Variants in UGT2B4 observed in about 807,000 individuals in gnomAD.
UGT2B4 encodes the protein UDP-glucuronosyltransferase 2B4.
UGT2B4 carries 49 observed loss-of-function variants against 49.8 expected under a neutral mutation model. The observed-to-expected ratio is 0.98, with a 90% CI of 0.78 to 1.25. UGT2B4 has a LOEUF of 1.25. UGT2B4 is among the 50% of genes most tolerant of loss of function. UGT2B4 has a pLI of 0.00. For missense variants in UGT2B4, 729 were observed against 627.7 expected (o/e 1.16, Z -1.73); for synonymous variants, 246 against 217.7 (o/e 1.13, Z -1.14).
At chr4:69,498,757 C>A (rs1312582807), upstream of UGT2B4, among the ~76,000 whole-genome samples, 1 of 152,022 alleles carries the variant, frequency 6.6e-6, no homozygotes, top group Non-Finnish European at 1.5e-5. Flanking sequence ...ATTCTTCTCT[C>A]TTTTCCTCTT....
In UGT2B4 at chr4:69,480,754, G is replaced by C; in HGVS notation, c.1467C>G (p.His489Gln). 1.2e-6 allele frequency: 2 copies of C among 1,614,032 alleles called. No individual in the cohort carries two copies. The highest frequency in any genetic ancestry group is 1.7e-6 in the Non-Finnish European group (2 of 1,179,936). The change falls in exon 6 of 6, where the codon CAC (histidine) becomes CAG (glutamine). Residue 489 changes from histidine (H) to glutamine (Q), a missense_variant. Coordinates refer to ENST00000305107, the MANE Select transcript of UGT2B4 (RefSeq NM_021139.3). ...GCAGGAACCCAGTCACATCCAAAGA[G>C]TGGTACTGGAACCAGGTGAGGTCGT... The part of the protein sequence containing the change: ...AAHDLTWFQY[H>Q]SLDVTGFLLA...
At chr4:69,524,130 T>C in intron 1 of UGT2B4, among the ~76,000 whole-genome samples, 1 of 152,158 alleles carries the variant, frequency 6.6e-6, no homozygotes. Flanking sequence ...GATTAACTTC[T>C]TGCCATTTGT....
At chr4:69,511,662 A>G (rs1728606859) in intron 1 of UGT2B4, among the ~76,000 whole-genome samples, 1 of 152,018 alleles carries the variant, frequency 6.6e-6, no homozygotes, top group Non-Finnish European at 1.5e-5. Context: ...TGGGTTTGTT[A>G]TCAGTATAAT....
intron 1 of UGT2B4, among the ~76,000 whole-genome samples, chr4:69,509,322 C>T (rs1223917399): frequency 1.3e-5 from 2 of 151,976 alleles, no homozygotes; most frequent in Non-Finnish European, 2.9e-5. Context: ...CAGGCGCATG[C>T]CCCTACCGCC....
upstream of UGT2B4, among the ~76,000 whole-genome samples, chr4:69,497,790 G>A (rs980448746): frequency 6.6e-6 from 1 of 152,204 alleles, no homozygotes; most frequent in Non-Finnish European, 1.5e-5. Flanking sequence ...GACTTTCAGA[G>A]GATTGATTCC....
chr4:69,511,139 A>C (rs1029674569), intron 1 of UGT2B4, among the ~76,000 whole-genome samples: 3 of 151,540 alleles, frequency 2.0e-5, no homozygotes, highest in East Asian at 3.9e-4. Context: ...TTACAAGTGC[A>C]TGCCACCACG....
At chr4:69,481,227 C>G (rs928382345) in intron 5 of UGT2B4, among the ~76,000 whole-genome samples, 16 of 151,402 alleles carry the variant, frequency 1.1e-4, no homozygotes, top group African/African-American at 3.1e-4. Context: ...CACAATCACA[C>G]CACTGCACTC....
chr4:69,481,315 G>A (rs996993327), intron 5 of UGT2B4, among the ~76,000 whole-genome samples: 2 of 152,002 alleles, frequency 1.3e-5, no homozygotes, highest in East Asian at 3.9e-4. Context: ...TCAAGTCCAC[G>A]AAAGGTTTTT....
At chr4:69,515,913 A>G (rs538994822) in intron 1 of UGT2B4, among the ~76,000 whole-genome samples, 5 of 152,354 alleles carry the variant, frequency 3.3e-5, no homozygotes, top group African/African-American at 1.2e-4. Context: ...AACATGTACC[A>G]TAGTGGTTTG....
chr4:69,516,195 C>T (rs1169287109), intron 1 of UGT2B4, among the ~76,000 whole-genome samples: 1 of 152,198 alleles, frequency 6.6e-6, no homozygotes, highest in Non-Finnish European at 1.5e-5. Flanking sequence ...TATGGCTACA[C>T]GGTATTCCAT....
At chr4:69,494,132 C>T (rs977113599) in intron 1 of UGT2B4, among the ~76,000 whole-genome samples, 1 of 152,032 alleles carries the variant, frequency 6.6e-6, no homozygotes, top group African/African-American at 2.4e-5. Flanking sequence ...AATTAATCTC[C>T]ATTTCTTTAT....
At chr4:69,516,089 G>A (rs1386007881) in intron 1 of UGT2B4, among the ~76,000 whole-genome samples, 3 of 152,152 alleles carry the variant, frequency 2.0e-5, no homozygotes, top group Non-Finnish European at 2.9e-5. Context: ...ATGAGAAAAT[G>A]TGGTGTTTGG....
intron 1 of UGT2B4, among the ~76,000 whole-genome samples, chr4:69,511,973 C>A (rs764118707): frequency 6.6e-6 from 1 of 151,756 alleles, no homozygotes. Context: ...CTCTTATAAT[C>A]TTTTCTATTC....
In UGT2B4 at chr4:69,495,555, CT is replaced by C; in HGVS notation, c.306del (p.Asp103ThrfsTer28). ...TGTGAAAAATATGACCAAAATGTGTCTTTTGGAAGTTCTGCCCATCTCTTAA... is the reference window on the plus strand; with the variant it reads ...TGTGAAAAATATGACCAAAATGTGTCTTTGGAAGTTCTGCCCATCTCTTAA... ...QLVKRWAELPKDTFWSYFSQV... is the reference protein window; with the variant it reads ...QLVKRWAELPXDTFWSYFSQV... On this transcript the variant is annotated frameshift_variant, in exon 1 of 6. Coordinates refer to ENST00000305107, the MANE Select transcript of UGT2B4 (RefSeq NM_021139.3). LOFTEE classifies it high-confidence loss of function. 6.2e-7 allele frequency: 1 copy of C among 1,613,606 alleles called. No homozygotes were observed. The highest frequency in any genetic ancestry group is 8.5e-7 in the Non-Finnish European group (1 of 1,179,774).
At chr4:69,504,419 G>C (rs1422216194) in intron 1 of UGT2B4, among the ~76,000 whole-genome samples, 1 of 152,126 alleles carries the variant, frequency 6.6e-6, no homozygotes, top group Non-Finnish European at 1.5e-5. Context: ...ATCTGATAGA[G>C]CTGGAAATTA....
At chr4:69,486,972 C>CT (rs1727805855) in intron 3 of UGT2B4, among the ~76,000 whole-genome samples, 1 of 152,116 alleles carries the variant, frequency 6.6e-6, no homozygotes, top group Non-Finnish European at 1.5e-5. Flanking sequence ...CAAAAGAAAA[C>CT]TATATGTGGC....
intron 2 of UGT2B4, among the ~76,000 whole-genome samples, chr4:69,490,397 C>G (rs529475286): frequency 6.6e-6 from 1 of 152,226 alleles, no homozygotes; most frequent in African/African-American, 2.4e-5. Flanking sequence ...TTCTCATCAT[C>G]ATTTTGCTGT....
Position 69,485,281 on chromosome 4 carries a change from C to T in UGT2B4, c.1237G>A (p.Val413Ile). 1 of 1,613,870 alleles carries T rather than the reference C, an allele frequency of 6.2e-7. No homozygotes were observed. The highest frequency in any genetic ancestry group is 8.5e-7 in the Non-Finnish European group (1 of 1,179,866). ...GACATTGTGTGGAAGTCCAAACTAA[C>T]AGCTGCTCCCTTGGCCTTCATGTGT... is the stretch of plus-strand genomic sequence containing the variant. Reference protein sequence around the residue: ...IAHMKAKGAAVSLDFHTMSST... With the variant: ...IAHMKAKGAAISLDFHTMSST... Residue 413 changes from valine (V) to isoleucine (I), a missense_variant, in exon 5 of 6, where the codon GTT (valine) becomes ATT (isoleucine). Physicochemically the swap from Val to Ile is conservative, Grantham distance 29. Coordinates refer to ENST00000305107, the MANE Select transcript of UGT2B4 (RefSeq NM_021139.3).
intron 1 of UGT2B4, among the ~76,000 whole-genome samples, chr4:69,516,719 G>A (rs1560443309): frequency 6.6e-6 from 1 of 151,918 alleles, no homozygotes; most frequent in African/African-American, 2.4e-5. Flanking sequence ...GGATTCTCAT[G>A]TTTCAGTCTC....
Sources: gnomAD v4.1 joint callset for allele counts (sites outside exome capture counted in the v4.1 genomes callset) on GRCh38, gnomAD v4.1.1 for gene constraint, MANE v1.5 for transcripts, NCBI Gene and HGNC (gene_info 2026-07-23, HGNC 2026-07-21) for gene names.